Variants in USO1 observed in about 807,000 individuals in gnomAD.
USO1 encodes the protein USO1 vesicle transport factor, also known as general vesicular transport factor p115.
A neutral mutation model predicts 124.5 loss-of-function variants in USO1; 57 were observed. That is an observed-to-expected ratio of 0.46 (90% CI 0.37 to 0.57). USO1 has a LOEUF of 0.57. USO1 is among the 20% of genes least tolerant of loss of function. The probability of loss-of-function intolerance (pLI) is 0.00; values close to 1 mark genes in which losing one functional copy is unlikely to be tolerated. For missense variants in USO1, 900 were observed against 1,040.6 expected, an observed-to-expected ratio of 0.86 and a Z score of 1.86; for synonymous variants, 369 against 362.8, an observed-to-expected ratio of 1.02 and a Z score of -0.19.
intron 3 of USO1, among the ~76,000 whole-genome samples, chr4:75,755,269 A>G (rs1033028613): frequency 1.3e-5 from 2 of 152,242 alleles, no homozygotes; most frequent in African/African-American, 2.4e-5. Context: ...ATTAGGCTTC[A>G]CTTTTTTGAA....
chr4:75,756,807 C>T (rs946464322), intron 3 of USO1, among the ~76,000 whole-genome samples: 4 of 151,818 alleles, frequency 2.6e-5, no homozygotes, highest in Non-Finnish European at 4.4e-5. Context: ...GCAACCGCAC[C>T]GGGCACCATA....
intron 7 of USO1, among the ~76,000 whole-genome samples, chr4:75,773,638 G>C (rs184467766): frequency 6.6e-6 from 1 of 152,246 alleles, no homozygotes; most frequent in South Asian, 2.1e-4. Flanking sequence ...TTTCTCCACT[G>C]TATTTCTTCT....
At chr4:75,785,716 T>C (rs1722343575) in intron 9 of USO1, among the ~76,000 whole-genome samples, 1 of 152,112 alleles carries the variant, frequency 6.6e-6, no homozygotes, top group African/African-American at 2.4e-5. Flanking sequence ...TAGAGGATAG[T>C]AGAAAATTAC....
chr4:75,755,564 C>T, intron 3 of USO1: 1 of 507,468 alleles, frequency 2.0e-6, no homozygotes, highest in South Asian at 1.4e-5. Flanking sequence ...CAGTTATGCC[C>T]AGCTGCTTGT....
At position 75,813,273 on chromosome 4, in the gene USO1, G is replaced by A. The variant is rs1210248878; in HGVS notation, c.2867G>A (p.Gly956Asp). 1 of 1,610,740 alleles carries A rather than the reference G, an allele frequency of 6.2e-7. No homozygotes were observed. The highest frequency in any genetic ancestry group is 1.7e-5 in the Admixed American group (1 of 59,318). Reference sequence around the variant, plus strand: ...GAGGATGATGAAAGTGAAGATCCTGGCAAGGATCTAGATCATATCTAGTTT... The same window carrying A: ...GAGGATGATGAAAGTGAAGATCCTGACAAGGATCTAGATCATATCTAGTTT... ...EDEDDESEDP[G>D]KDLDHI The change falls in exon 24 of 24, where the codon GGC becomes GAC. Residue 956 changes from glycine to aspartate, a missense_variant. Around this residue, in one of 2 missense-constraint regions of USO1, gnomAD observed 362 missense variants for 359.0 expected, o/e 1.01. Coordinates refer to ENST00000514213, the MANE Select transcript of USO1 (RefSeq NM_003715.4).
chr4:75,760,704 A>C (rs1195311746), intron 4 of USO1: 1 of 394,382 alleles, frequency 2.5e-6, no homozygotes, highest in Non-Finnish European at 4.5e-6. Flanking sequence ...CTGGTAAAAA[A>C]AAAATCTGAA....
intron 1 of USO1, among the ~76,000 whole-genome samples, chr4:75,743,125 C>T (rs1463497229): frequency 1.3e-5 from 2 of 151,914 alleles, no homozygotes; most frequent in African/African-American, 2.4e-5. Context: ...GCTGGGACTA[C>T]AGGCACCCAC....
At chr4:75,740,651 G>A (rs541773241) in intron 1 of USO1, among the ~76,000 whole-genome samples, 4 of 152,264 alleles carry the variant, frequency 2.6e-5, no homozygotes, top group African/African-American at 9.6e-5. Context: ...CATAGCTACT[G>A]TAAATAGCAA....
chr4:75,808,870 T>G lies in USO1; in HGVS notation c.2377-83T>G, dbSNP rs148368551. The G allele has an allele frequency of 1.0e-3, 1,448 of 1,438,562 alleles. 27 individuals carry two copies. In the East Asian group the frequency reaches 0.028, roughly 28 times the overall value. The allele number at this position is 1,438,562 out of a possible 1,614,324, so 89.1% of individuals were successfully genotyped here. A position where few individuals can be genotyped will look rare whatever the true frequency, so the allele number is the denominator to read the frequency against. Reference sequence around the variant, plus strand: ...TTAAAAGTAGGAGGTTGTAAATCATTTTTTTAAATGTCTCCCTGTAAATAT... The same window carrying G: ...TTAAAAGTAGGAGGTTGTAAATCATGTTTTTAAATGTCTCCCTGTAAATAT... On this transcript the variant is annotated intron_variant, in intron 20 of 23. Transcript: ENST00000514213.
chr4:75,730,639 A>G (rs1283287012), intron 1 of USO1, among the ~76,000 whole-genome samples: 1 of 152,130 alleles, frequency 6.6e-6, no homozygotes, highest in African/African-American at 2.4e-5. Flanking sequence ...TGTTGATACC[A>G]AATACTGTTC....
intron 10 of USO1, among the ~76,000 whole-genome samples, chr4:75,788,541 T>C (rs1722435830): frequency 1.3e-5 from 2 of 148,758 alleles, no homozygotes; most frequent in African/African-American, 4.9e-5. Context: ...TCTTTTCTTT[T>C]CTTTTCTTTT....
chr4:75,791,809 AT>A (rs1057026695), intron 12 of USO1, among the ~76,000 whole-genome samples: 18 of 146,966 alleles, frequency 1.2e-4, no homozygotes, highest in Non-Finnish European at 2.1e-4. Context: ...CCAAAAAAAA[AT>A]TTGGTAAAAA....
At chr4:75,804,339 T>TA in intron 18 of USO1, 67 bp downstream of exon 18, 27 of 1,513,654 alleles carry the variant, frequency 1.8e-5, no homozygotes, top group Non-Finnish European at 2.4e-5. Flanking sequence ...CTAGACAAAG[T>TA]AAAAGATTCT....
At chr4:75,767,191 C>T (rs1721789197) in intron 4 of USO1, among the ~76,000 whole-genome samples, 2 of 152,112 alleles carry the variant, frequency 1.3e-5, no homozygotes. Context: ...CCCTTCCCTC[C>T]CTTGTTGATT....
At chr4:75,790,862 ATTCT>A in intron 12 of USO1, 65 bp downstream of exon 12, 23 of 1,431,124 alleles carry the variant, frequency 1.6e-5, no homozygotes, top group Admixed American at 2.9e-5. Flanking sequence ...CTTTTAATTG[ATTCT>A]TTCTTTTTAT....
intron 8 of USO1, among the ~76,000 whole-genome samples, chr4:75,781,928 T>C (rs950548723): frequency 1.5e-4 from 23 of 152,214 alleles, no homozygotes; most frequent in African/African-American, 5.5e-4. Context: ...CTTGGTAAAG[T>C]AGAGATCAAT....
chr4:75,803,485 TA>T (rs1722911367), intron 17 of USO1, among the ~76,000 whole-genome samples: 1 of 151,780 alleles, frequency 6.6e-6, no homozygotes, highest in Admixed American at 6.6e-5. Flanking sequence ...CCATCTCTAC[TA>T]AAAATACAAA....
chr4:75,761,334 C>T (rs747945958), intron 4 of USO1, among the ~76,000 whole-genome samples: 21 of 152,080 alleles, frequency 1.4e-4, no homozygotes, highest in Non-Finnish European at 2.6e-4. Flanking sequence ...ACTGCTTGAG[C>T]CCAGGAGTTC....
At chr4:75,749,148 TGTAAA>T (rs1197815916) in intron 1 of USO1, among the ~76,000 whole-genome samples, 7 of 152,110 alleles carry the variant, frequency 4.6e-5, no homozygotes, top group Admixed American at 6.6e-5. Context: ...AATCAGCAAT[TGTAAA>T]GACTCCTAGA....
Sources: gnomAD v4.1 joint callset for allele counts (sites outside exome capture counted in the v4.1 genomes callset) on GRCh38, gnomAD v4.1.1 for gene constraint, gnomAD v4.1.1 regional missense constraint, MANE v1.5 for transcripts, NCBI Gene and HGNC (gene_info 2026-07-23, HGNC 2026-07-21) for gene names.